PDE4B: variants seen among roughly 807,000 people sequenced by gnomAD.
PDE4B encodes the protein 3',5'-cyclic-AMP phosphodiesterase 4B.
PDE4B carries 20 observed loss-of-function variants against 82.2 expected under a neutral mutation model. The ratio of observed to expected loss-of-function variants is 0.24; its 90% CI spans 0.17 to 0.35. The LOEUF is 0.35. Ranked by LOEUF, PDE4B falls within the 10% of genes least tolerant of loss-of-function variation. PDE4B has a pLI of 1.00. For synonymous variants in PDE4B, 320 were observed against 318.9 expected (o/e 1.00, Z -0.04); for missense variants, 655 against 907.2 (o/e 0.72, Z 3.57).
At chr1:66,129,176 A>G (rs1465438998) in intron 3 of PDE4B, among the ~76,000 whole-genome samples, 1 of 152,216 alleles carries the variant, frequency 6.6e-6, no homozygotes, top group Non-Finnish European at 1.5e-5. Context: ...CTTGGACCTA[A>G]CATATTAAGT....
intron 3 of PDE4B, among the ~76,000 whole-genome samples, chr1:66,139,523 T>C (rs1158967734): frequency 2.0e-5 from 3 of 152,134 alleles, no homozygotes; most frequent in African/African-American, 7.2e-5. Context: ...ATTGGGCCCA[T>C]CAGGATATTC....
intron 3 of PDE4B, among the ~76,000 whole-genome samples, chr1:66,061,234 C>A (rs557623730): frequency 8.7e-5 from 13 of 149,346 alleles, no homozygotes; most frequent in African/African-American, 3.2e-4. Context: ...AATAATGTGA[C>A]TTCACACTGT....
rs1013618013 is a variant in PDE4B, at chr1:65,827,470, TA to T, written c.-71+34229del. ...TGTAAGAAGCAAAGGAAAATGCTAT[TA>T]AAAAAACCCCACAGTAACAAAAATA... On this transcript the variant is annotated intron_variant, in intron 1 of 16. Transcript: ENST00000341517. Among the ~76,000 whole-genome samples the T allele has an allele frequency of 2.6e-5, 4 of 152,078 alleles. No individual in the cohort carries two copies. In the East Asian group the frequency reaches 5.8e-4, roughly 22 times the overall value.
intron 3 of PDE4B, among the ~76,000 whole-genome samples, chr1:65,928,123 G>A (rs942587337): frequency 1.3e-5 from 2 of 152,118 alleles, no homozygotes; most frequent in Non-Finnish European, 2.9e-5. Context: ...AGGTCTCCTT[G>A]GGGAAGGATG....
intron 3 of PDE4B, among the ~76,000 whole-genome samples, chr1:65,924,772 A>G (rs1647409641): frequency 6.6e-6 from 1 of 152,246 alleles, no homozygotes; most frequent in African/African-American, 2.4e-5. Context: ...GTGGCTGACT[A>G]GAAATACCAG....
intron 3 of PDE4B, among the ~76,000 whole-genome samples, chr1:66,007,771 G>A (rs1170941989): frequency 6.6e-6 from 1 of 152,110 alleles, no homozygotes; most frequent in Non-Finnish European, 1.5e-5. Context: ...TAAAAATTAG[G>A]CAATGATAGA....
At chr1:66,283,346 G>T (rs1234135868) in intron 7 of PDE4B, among the ~76,000 whole-genome samples, 1 of 151,300 alleles carries the variant, frequency 6.6e-6, no homozygotes, top group African/African-American at 2.4e-5. Context: ...TGCCGTTATT[G>T]TTACTATTAT....
At chr1:66,275,026 C>T (rs1274681155) in intron 7 of PDE4B, among the ~76,000 whole-genome samples, 1 of 152,092 alleles carries the variant, frequency 6.6e-6, no homozygotes, top group Non-Finnish European at 1.5e-5. Context: ...TTCTCCAGCT[C>T]ATACATGGGA....
intron 3 of PDE4B, among the ~76,000 whole-genome samples, chr1:66,178,860 CT>C (rs910194424): frequency 5.3e-5 from 8 of 150,694 alleles, no homozygotes; most frequent in African/African-American, 1.9e-4. Flanking sequence ...CTTTTTTTTT[CT>C]TTTTTTTGAG....
rs367729284 is a variant in PDE4B at position 66,087,942 on chromosome 1, A to G, written c.282-159518A>G. Among the ~76,000 whole-genome samples, 376 of 151,602 alleles carry G rather than the reference A, an allele frequency of 2.5e-3. 1 individual carries two copies. The highest frequency in any genetic ancestry group is 5.5e-3 in the East Asian group (28 of 5,122). On this transcript the variant is annotated intron_variant, in intron 3 of 16. Transcript: ENST00000341517. ...TAGATGACGAGTTAGTGGGTGCAGC[A>G]CACCAGCATGGCACATGTATACATG... is the stretch of plus-strand genomic sequence containing the variant.
At chr1:65,985,575 T>C (rs1650913358) in intron 3 of PDE4B, among the ~76,000 whole-genome samples, 2 of 152,200 alleles carry the variant, frequency 1.3e-5, no homozygotes, top group Non-Finnish European at 2.9e-5. Context: ...ATCACCCTTA[T>C]AGACAATTTG....
At chr1:66,121,736 A>G (rs546957359) in intron 3 of PDE4B, among the ~76,000 whole-genome samples, 4 of 152,356 alleles carry the variant, frequency 2.6e-5, no homozygotes, top group African/African-American at 9.6e-5. Flanking sequence ...GCAACACAGC[A>G]TCCTTATCTC....
At chr1:66,218,199 T>G (rs1650657557) in intron 3 of PDE4B, among the ~76,000 whole-genome samples, 1 of 152,096 alleles carries the variant, frequency 6.6e-6, no homozygotes, top group Non-Finnish European at 1.5e-5. Context: ...AGCTTCTAAC[T>G]ACCAAATTAA....
In PDE4B at chr1:66,245,915, A is replaced by G. The variant is rs769106063; in HGVS notation, c.282-1545A>G. On this transcript the variant is annotated intron_variant, in intron 3 of 16. Coordinates refer to ENST00000341517, the MANE Select transcript of PDE4B (RefSeq NM_002600.4). Reference sequence around the variant, plus strand: ...TTCTCCTCATGTTTCAAGGAAACCTACAGCTTCAGGGTAATTTGCTGCCTC... The same window carrying G: ...TTCTCCTCATGTTTCAAGGAAACCTGCAGCTTCAGGGTAATTTGCTGCCTC... Among the ~76,000 whole-genome samples, 9 of 152,330 alleles carry G rather than the reference A, an allele frequency of 5.9e-5. 1 individual carries two copies. The South Asian group carries it at 1.7e-3, about 28-fold the overall frequency.
At position 66,367,954 on chromosome 1, in the gene PDE4B, T is replaced by G; in HGVS notation, c.1551T>G (p.Thr517=). 5.0e-6 allele frequency: 8 copies of G among 1,613,670 alleles called. No individual in the cohort carries two copies. The highest frequency in any genetic ancestry group is 6.8e-6 in the Non-Finnish European group (8 of 1,179,754). Reference sequence around the variant, plus strand: ...TCTTTTTACCCAAGGTGTTAGCAACTGATATGTCTAAACATATGAGCCTGC... The same window carrying G: ...TCTTTTTACCCAAGGTGTTAGCAACGGATATGTCTAAACATATGAGCCTGC... ...RKMVIDMVLA[T]DMSKHMSLLA... Residue 517 remains threonine, a synonymous_variant, in exon 15 of 17, where the codon ACT becomes ACG. Transcript: ENST00000341517.
chr1:66,347,174 T>C (rs1322150512), intron 8 of PDE4B, among the ~76,000 whole-genome samples: 1 of 152,160 alleles, frequency 6.6e-6, no homozygotes. Context: ...TCTATAAACC[T>C]TCCGTGAACC....
intron 3 of PDE4B, among the ~76,000 whole-genome samples, chr1:65,967,765 A>T (rs1311358176): frequency 6.6e-6 from 1 of 152,130 alleles, no homozygotes; most frequent in African/African-American, 2.4e-5. Context: ...AAACAAACAC[A>T]GGAACAGAAA....
At chr1:66,101,050 C>T (rs1645213052) in intron 3 of PDE4B, among the ~76,000 whole-genome samples, 2 of 152,066 alleles carry the variant, frequency 1.3e-5, no homozygotes, top group Admixed American at 1.3e-4. Context: ...TGTCATTGTT[C>T]AATTTCCACC....
At chr1:65,807,207 C>T (rs1450365415) in intron 1 of PDE4B, among the ~76,000 whole-genome samples, 1 of 152,182 alleles carries the variant, frequency 6.6e-6, no homozygotes, top group Non-Finnish European at 1.5e-5. Context: ...CTCAGAGAAT[C>T]ATGTCTAGAA....
Sources: gnomAD v4.1 joint callset for allele counts (sites outside exome capture counted in the v4.1 genomes callset) on GRCh38, gnomAD v4.1.1 for gene constraint, MANE v1.5 for transcripts, NCBI Gene and HGNC (gene_info 2026-07-23, HGNC 2026-07-21) for gene names.